Variants in ZNF469 observed in about 807,000 individuals in gnomAD.
The protein encoded by ZNF469 is zinc finger protein 469.
Under a neutral mutation model 1.0 loss-of-function variants are expected in ZNF469, and 1 was observed. That is an observed-to-expected ratio of 1.00 (90% CI 0.35 to 4.73). The LOEUF (loss-of-function observed/expected upper bound fraction) is 4.73, where lower values mean the gene tolerates loss of function less well. ZNF469 is among the 30% of genes most tolerant of loss of function. The probability of loss-of-function intolerance (pLI) is 0.16; values close to 1 mark genes in which losing one functional copy is unlikely to be tolerated. For missense variants in ZNF469, 6,100 were observed against 5,356.3 expected (o/e 1.14, Z -4.33); for synonymous variants, 2,703 against 2,363.4 (o/e 1.14, Z -4.17).
At chr16:88,168,757 G>A in the ZNF469 span, among the ~76,000 whole-genome samples, 2 of 152,208 alleles carry the variant, frequency 1.3e-5, no homozygotes. The surrounding 1 kb of genome is among the most constrained non-coding windows in gnomAD (Gnocchi z 4.3). Context: ...ACCGTGGCAG[G>A]CCTTCTGCAG....
the ZNF469 span, among the ~76,000 whole-genome samples, chr16:88,294,031 G>A: frequency 2.6e-5 from 4 of 152,312 alleles, no homozygotes; most frequent in African/African-American, 7.2e-5. Context: ...GACTGTGCAC[G>A]GGGTCTCCCC....
the ZNF469 span, among the ~76,000 whole-genome samples, chr16:88,110,680 G>A: frequency 2.6e-5 from 4 of 152,242 alleles, no homozygotes; most frequent in Admixed American, 2.6e-4. Context: ...AGAACCACTC[G>A]TCTTAAAGTG....
the ZNF469 span, among the ~76,000 whole-genome samples, chr16:88,340,496 C>T: frequency 3.3e-5 from 5 of 152,162 alleles, no homozygotes; most frequent in Non-Finnish European, 7.4e-5. Flanking sequence ...CCAGACATCA[C>T]GGGTCAGGTG....
chr16:88,199,333 G>T, the ZNF469 span, among the ~76,000 whole-genome samples: 1 of 152,222 alleles, frequency 6.6e-6, no homozygotes, highest in South Asian at 2.1e-4. Flanking sequence ...GTACCAAAAG[G>T]GTGTTTTCCA....
At chr16:88,159,116 T>G in the ZNF469 span, among the ~76,000 whole-genome samples, 1 of 119,978 alleles carries the variant, frequency 8.3e-6, no homozygotes, top group Admixed American at 8.0e-5. Flanking sequence ...CTCACAGGGC[T>G]GTGCAGACCA....
chr16:88,121,035 G>T, the ZNF469 span, among the ~76,000 whole-genome samples: 6 of 151,802 alleles, frequency 4.0e-5, no homozygotes, highest in African/African-American at 1.4e-4. Context: ...CGAGGCACCC[G>T]CTATGTACTG....
rs1233171213 is a variant in ZNF469 at position 88,438,331 on chromosome 16, T to C, written c.10861T>C (p.Ser3621Pro). The change falls in exon 3 of 3, where the codon TCA (serine) becomes CCA (proline). Residue 3621 changes from serine (S) to proline (P), a missense_variant. Coordinates refer to ENST00000565624, the MANE Select transcript of ZNF469 (RefSeq NM_001367624.2). ...GGGAAAGAGGGCTCCTCTCGTGTTC[T>C]CAGGGAAACGCAGGGCCCCGGGTGC... ...AEGKRAPLVF[S>P]GKRRAPGARG... is the part of the protein sequence containing the mutation. The C allele has an allele frequency of 1.9e-6, 3 of 1,550,186 alleles. No individual in the cohort carries two copies. The highest frequency in any genetic ancestry group is 1.7e-6 in the Non-Finnish European group (2 of 1,146,930).
rs78446958 is a variant in ZNF469, at chr16:88,432,884, C to A, written c.5414C>A (p.Pro1805His). ...AFGSPAVHLA[P>H]DLAFQGDGAP... ...GGCAGCCCTGCTGTCCATCTGGCCCCTGACTTGGCATTTCAGGGTGACGGG... is the reference window on the plus strand; with the variant it reads ...GGCAGCCCTGCTGTCCATCTGGCCCATGACTTGGCATTTCAGGGTGACGGG... Residue 1805 changes from proline to histidine, a missense_variant, in exon 3 of 3, where the codon CCT (proline) becomes CAT (histidine). Pro to His is a moderately conservative substitution (Grantham distance 77). Transcript: ENST00000565624. The A allele has an allele frequency of 7.9e-4, 1,222 of 1,550,392 alleles. 11 individuals carry two copies. The African/African-American group carries it at 0.015, about 19-fold the overall frequency.
the ZNF469 span, among the ~76,000 whole-genome samples, chr16:88,304,335 A>T: frequency 6.6e-6 from 1 of 152,038 alleles, no homozygotes; most frequent in Admixed American, 6.5e-5. Flanking sequence ...GGCTCCTCCC[A>T]CCCTGTTGCA....
In ZNF469 at chr16:88,428,103, C is replaced by A. The variant is rs1346773862; in HGVS notation, c.633C>A (p.Pro211=). The change falls in exon 3 of 3, where the codon CCC becomes CCA. Residue 211 remains proline (P), a synonymous_variant. Coordinates refer to ENST00000565624, the MANE Select transcript of ZNF469 (RefSeq NM_001367624.2). ...CCAGGCCCCCAGCCCCGGGGCCCCC[C>A]CAGAGCAGGGGCACCAGCCCCCTCC... The part of the protein sequence containing the change: ...ATPRPPAPGP[P]QSRGTSPLQP... The A allele has an allele frequency of 2.6e-6, 4 of 1,549,686 alleles. No homozygotes were observed. Among genetic ancestry groups the A allele is most frequent in the Non-Finnish European group, 3.5e-6 (4 of 1,146,730 alleles).
the ZNF469 span, among the ~76,000 whole-genome samples, chr16:88,238,696 C>T: frequency 6.6e-6 from 1 of 152,188 alleles, no homozygotes; most frequent in African/African-American, 2.4e-5. Flanking sequence ...CCTATCAACC[C>T]TCTTAAAACC....
the ZNF469 span, among the ~76,000 whole-genome samples, chr16:88,361,458 T>C: frequency 2.0e-5 from 3 of 152,204 alleles, no homozygotes; most frequent in Non-Finnish European, 4.4e-5. Context: ...CAGAGAAACT[T>C]CGCATTTCCC....
the ZNF469 span, among the ~76,000 whole-genome samples, chr16:88,211,407 T>C: frequency 6.6e-6 from 1 of 152,244 alleles, no homozygotes; most frequent in African/African-American, 2.4e-5. Context: ...TCACGGACTC[T>C]TCAGGGTGGG....
chr16:88,431,165 A>G lies in ZNF469; in HGVS notation c.3695A>G (p.Glu1232Gly). 6.5e-7 allele frequency: 1 copy of G among 1,550,240 alleles called. No individual in the cohort carries two copies. Among genetic ancestry groups the G allele is most frequent in the Non-Finnish European group, 8.7e-7 (1 of 1,146,954 alleles). ...PQEAKEPETA[E>G]ESAPDSTEFT... ...GAGGCCAAGGAGCCTGAAACTGCCGAAGAGTCAGCCCCGGACAGCACAGAA... is the reference window on the plus strand; with the variant it reads ...GAGGCCAAGGAGCCTGAAACTGCCGGAGAGTCAGCCCCGGACAGCACAGAA... The change falls in exon 3 of 3, where the codon GAA (glutamate) becomes GGA (glycine). Residue 1232 changes from glutamate (E) to glycine (G), a missense_variant. Coordinates refer to ENST00000565624, the MANE Select transcript of ZNF469 (RefSeq NM_001367624.2).
At chr16:88,109,295 T>C in the ZNF469 span, among the ~76,000 whole-genome samples, 3 of 152,200 alleles carry the variant, frequency 2.0e-5, no homozygotes, top group Admixed American at 6.5e-5. Flanking sequence ...TGCAACCACA[T>C]TGCAGCCCAG....
chr16:88,187,476 T>C, the ZNF469 span, among the ~76,000 whole-genome samples: 1 of 152,244 alleles, frequency 6.6e-6, no homozygotes, highest in Non-Finnish European at 1.5e-5. Context: ...ATCAGAACAG[T>C]GTGAATTACG....
the ZNF469 span, among the ~76,000 whole-genome samples, chr16:88,324,754 T>C: frequency 2.0e-5 from 3 of 152,194 alleles, no homozygotes; most frequent in Non-Finnish European, 4.4e-5. Flanking sequence ...GATGTTGCCA[T>C]TGCGTTTGTA....
chr16:88,185,258 AAC>A, the ZNF469 span, among the ~76,000 whole-genome samples: 4 of 152,018 alleles, frequency 2.6e-5, no homozygotes, highest in Admixed American at 2.6e-4. Flanking sequence ...GATGCACACG[AAC>A]ACAGGCACGC....
At chr16:88,316,634 C>T in the ZNF469 span, among the ~76,000 whole-genome samples, 4 of 145,282 alleles carry the variant, frequency 2.8e-5, no homozygotes, top group African/African-American at 1.0e-4. Context: ...GCAACCTCCA[C>T]CTCTGGGGTT....
Sources: allele counts gnomAD v4.1 joint callset (sites outside exome capture counted in the v4.1 genomes callset), GRCh38; gene constraint gnomAD v4.1.1; non-coding constraint Gnocchi (gnomAD v3.1); transcripts MANE v1.5; gene names NCBI Gene and HGNC (gene_info 2026-07-23, HGNC 2026-07-21).